FBXL17: variants seen among roughly 807,000 people sequenced by gnomAD.
FBXL17 encodes F-box and leucine rich repeat protein 17.
A neutral mutation model predicts 66.2 loss-of-function variants in FBXL17; 22 were observed. The ratio of observed to expected loss-of-function variants is 0.33; its 90% CI spans 0.24 to 0.47. The LOEUF is 0.47. FBXL17 is among the 20% of genes least tolerant of loss of function. The pLI is 1.00. For missense variants in FBXL17, 878 were observed against 948.2 expected, an observed-to-expected ratio of 0.93 and a Z score of 0.97; for synonymous variants, 474 against 400.5, an observed-to-expected ratio of 1.18 and a Z score of -2.19.
intron 6 of FBXL17, among the ~76,000 whole-genome samples, chr5:108,056,505 G>T (rs1249731985): frequency 9.9e-5 from 15 of 152,072 alleles, no homozygotes; most frequent in Non-Finnish European, 2.1e-4. Flanking sequence ...GCATATGCTG[G>T]GTCTATCACC....
intron 6 of FBXL17, among the ~76,000 whole-genome samples, chr5:108,038,389 C>CA (rs1235762868): frequency 1.3e-5 from 2 of 151,268 alleles, no homozygotes; most frequent in African/African-American, 4.9e-5. Flanking sequence ...TAAAATACGC[C>CA]AAAAAAACCC....
intron 7 of FBXL17, among the ~76,000 whole-genome samples, chr5:107,951,977 T>C (rs1017748882): frequency 1.3e-5 from 2 of 152,176 alleles, no homozygotes; most frequent in African/African-American, 4.8e-5. Context: ...AAGAAAGCTG[T>C]CCCAAAACAG....
rs150020103 is a variant in FBXL17 at position 107,948,176 on chromosome 5, A to G, written c.1823-66997T>C. Reference sequence around the variant, plus strand: ...TTTCCCTAAGAATAAGAGGTAATAGAGAAATAAACCTTTTGAAAGTAGTCT... The same window carrying G: ...TTTCCCTAAGAATAAGAGGTAATAGGGAAATAAACCTTTTGAAAGTAGTCT... On this transcript the variant is annotated intron_variant, in intron 7 of 8. Transcript: ENST00000542267. Among the ~76,000 whole-genome samples the G allele has an allele frequency of 3.9e-4, 60 of 152,318 alleles. 1 individual carries two copies. The East Asian group carries it at 7.3e-3, about 19-fold the overall frequency.
rs1019875467 is a variant in FBXL17, at chr5:107,861,167, A to T, written c.*553T>A. The T allele has an allele frequency of 6.6e-6, 1 of 152,244 alleles. No individual in the cohort carries two copies. The highest frequency in any genetic ancestry group is 1.9e-4 in the East Asian group (1 of 5,196). 9.4% of individuals were successfully genotyped at this position (152,244 alleles called of 1,614,324 possible). On this transcript the variant is annotated 3_prime_UTR_variant, in exon 9 of 9. Transcript: ENST00000542267. ...GATACACGGAGTTAGGCAGTGCCACAGTGGATAACATGCTACCTTAGTGGC... is the reference window on the plus strand; with the variant it reads ...GATACACGGAGTTAGGCAGTGCCACTGTGGATAACATGCTACCTTAGTGGC...
intron 4 of FBXL17, among the ~76,000 whole-genome samples, chr5:108,278,845 G>T (rs1163702003): frequency 6.6e-6 from 1 of 152,308 alleles, no homozygotes; most frequent in Non-Finnish European, 1.5e-5. Context: ...GCCACTGGGG[G>T]TCCTGAGTGC....
intron 8 of FBXL17, among the ~76,000 whole-genome samples, chr5:107,864,860 T>A (rs1239870890): frequency 6.6e-6 from 1 of 152,236 alleles, no homozygotes; most frequent in African/African-American, 2.4e-5. Context: ...TATTCCTTTA[T>A]AGTAATACAA....
intron 7 of FBXL17, among the ~76,000 whole-genome samples, chr5:107,953,784 C>T (rs889776844): frequency 2.0e-5 from 3 of 152,132 alleles, no homozygotes; most frequent in Admixed American, 1.3e-4. Context: ...TTTGGTATAG[C>T]GAGTACATTG....
chr5:108,334,397 A>G lies in FBXL17; in HGVS notation c.1506+14002T>C, dbSNP rs139263293. 3.9e-3 allele frequency among the ~76,000 whole-genome samples: 600 copies of G among 152,282 alleles called. 7 individuals are homozygous for G. Among genetic ancestry groups the G allele is most frequent in the African/African-American group, 0.014 (583 of 41,554 alleles). ...TTTGATCTGACACTGCCCTCTGTCT[A>G]GTAATGACTTCCCCCTCATAGACCC... On this transcript the variant is annotated intron_variant, in intron 4 of 8. Coordinates refer to ENST00000542267, the MANE Select transcript of FBXL17 (RefSeq NM_001163315.3).
intron 5 of FBXL17, among the ~76,000 whole-genome samples, chr5:108,220,597 A>T (rs1754819014): frequency 6.6e-6 from 1 of 151,892 alleles, no homozygotes; most frequent in South Asian, 2.1e-4. Flanking sequence ...ATCATTATAA[A>T]CCCATTTTTA....
At chr5:108,014,671 A>C (rs1754311453) in intron 7 of FBXL17, among the ~76,000 whole-genome samples, 1 of 152,226 alleles carries the variant, frequency 6.6e-6, no homozygotes, top group Non-Finnish European at 1.5e-5. Flanking sequence ...GCAAAGGAGA[A>C]AGGAGAAAAG....
chr5:108,336,141 G>A (rs934886669), intron 4 of FBXL17, among the ~76,000 whole-genome samples: 1 of 151,878 alleles, frequency 6.6e-6, no homozygotes, highest in Admixed American at 6.6e-5. Flanking sequence ...AAAATATACG[G>A]GAAGAATTTA....
intron 4 of FBXL17, among the ~76,000 whole-genome samples, chr5:108,284,016 T>G (rs924795098): frequency 6.6e-6 from 1 of 151,918 alleles, no homozygotes; most frequent in East Asian, 1.9e-4. Flanking sequence ...AAAATAGTTA[T>G]TATCAAAAAG....
intron 6 of FBXL17, among the ~76,000 whole-genome samples, chr5:108,117,077 C>T (rs550498788): frequency 3.9e-5 from 6 of 152,152 alleles, no homozygotes; most frequent in African/African-American, 1.2e-4. Context: ...ATATTTAGAG[C>T]GATTCACTAG....
chr5:108,177,932 T>TATATATATATAC (rs1242739302), intron 6 of FBXL17, among the ~76,000 whole-genome samples: 29 of 126,898 alleles, frequency 2.3e-4, no homozygotes, highest in East Asian at 1.9e-3. Flanking sequence ...TATATATATA[T>TATATATATATAC]ACACACACAC....
chr5:108,121,140 C>A (rs981995296), intron 6 of FBXL17, among the ~76,000 whole-genome samples: 1 of 152,008 alleles, frequency 6.6e-6, no homozygotes, highest in African/African-American at 2.4e-5. Context: ...CCATCCTGGC[C>A]AACATGGTGA....
intron 4 of FBXL17, among the ~76,000 whole-genome samples, chr5:108,256,390 T>C (rs1458191236): frequency 1.3e-5 from 2 of 152,188 alleles, no homozygotes; most frequent in African/African-American, 2.4e-5. Flanking sequence ...TAAAATTATA[T>C]AGGCACCTGG....
chr5:107,954,434 T>G (rs1052925600), intron 7 of FBXL17, among the ~76,000 whole-genome samples: 2 of 152,320 alleles, frequency 1.3e-5, no homozygotes, highest in East Asian at 3.9e-4. Flanking sequence ...AATCATGCAG[T>G]GAACCACAGT....
intron 6 of FBXL17, among the ~76,000 whole-genome samples, chr5:108,106,116 G>A (rs1749785824): frequency 6.6e-6 from 1 of 152,098 alleles, no homozygotes; most frequent in African/African-American, 2.4e-5. Flanking sequence ...TCTAAGTTTA[G>A]GGCTCTTTCT....
chr5:108,235,308 T>C (rs1209948452), intron 4 of FBXL17, among the ~76,000 whole-genome samples: 1 of 152,214 alleles, frequency 6.6e-6, no homozygotes, highest in Non-Finnish European at 1.5e-5. Context: ...CTTCTCTTAA[T>C]GATTCTTATG....
Sources: allele counts gnomAD v4.1 joint callset (sites outside exome capture counted in the v4.1 genomes callset), GRCh38; gene constraint gnomAD v4.1.1; transcripts MANE v1.5; gene names NCBI Gene and HGNC (gene_info 2026-07-23, HGNC 2026-07-21).